EML5: variants seen among roughly 807,000 people sequenced by gnomAD.
The protein encoded by EML5 is EMAP like 5.
A neutral mutation model predicts 250.0 loss-of-function variants in EML5; 120 were observed. The ratio of observed to expected loss-of-function variants is 0.48; its 90% confidence interval spans 0.41 to 0.56. The LOEUF (loss-of-function observed/expected upper bound fraction) is 0.56, where lower values mean the gene tolerates loss of function less well. Among genes scored for constraint, EML5 ranks in the 20% least tolerant of loss-of-function variants. The pLI, the probability that EML5 is intolerant of heterozygous loss-of-function variation, is 0.00. For missense variants in EML5, 2,006 were observed against 2,437.6 expected (o/e 0.82, Z 3.73); for synonymous variants, 771 against 806.5 (o/e 0.96, Z 0.75).
At chr14:88,654,014 A>C (rs2091758971) in intron 27 of EML5, among the ~76,000 whole-genome samples, 1 of 151,956 alleles carries the variant, frequency 6.6e-6, no homozygotes, top group Admixed American at 6.6e-5. Context: ...TAGTCTTGGG[A>C]GGGTGTATGT....
chr14:88,782,283 T>C (rs1171969700), intron 1 of EML5, among the ~76,000 whole-genome samples: 1 of 152,092 alleles, frequency 6.6e-6, no homozygotes, highest in Non-Finnish European at 1.5e-5. Flanking sequence ...AGAGAGATGA[T>C]TTAGGGTATC....
intron 13 of EML5, among the ~76,000 whole-genome samples, chr14:88,703,399 T>C (rs1043510294): frequency 2.0e-5 from 3 of 152,138 alleles, no homozygotes; most frequent in Non-Finnish European, 4.4e-5. Context: ...TGTTGGACCA[T>C]GAGAATACAA....
intron 4 of EML5, among the ~76,000 whole-genome samples, chr14:88,741,762 T>C (rs962716184): frequency 1.3e-5 from 2 of 152,106 alleles, no homozygotes; most frequent in African/African-American, 4.8e-5. Flanking sequence ...GATACATACA[T>C]TAAATAGTTC....
chr14:88,786,748 G>A (rs988316330), intron 1 of EML5, among the ~76,000 whole-genome samples: 5 of 152,056 alleles, frequency 3.3e-5, no homozygotes, highest in Admixed American at 6.5e-5. Context: ...TCATTTTCTC[G>A]TGCTGCCGCC....
chr14:88,718,938 C>T (rs912358573), intron 8 of EML5, among the ~76,000 whole-genome samples: 13 of 151,940 alleles, frequency 8.6e-5, no homozygotes, highest in African/African-American at 2.7e-4. Flanking sequence ...ACTCCCAAGA[C>T]GCAGAGCAGA....
rs773892136 is a variant in EML5, at chr14:88,613,195, C to T, written c.*2623G>A. On this transcript the variant is annotated 3_prime_UTR_variant, in exon 44 of 44. Transcript: ENST00000554922. ...GATCCCACAGGAAAGGCTTGAAACA[C>T]GAGAAGCAGCAAAGACAGAGCACAC... 3.9e-5 allele frequency: 6 copies of T among 152,110 alleles called. No individual in the cohort carries two copies. Among genetic ancestry groups the T allele is most frequent in the Non-Finnish European group, 7.4e-5 (5 of 68,026 alleles). The allele number at this position is 152,110 out of a possible 1,614,324, so 9.4% of individuals were successfully genotyped here.
chr14:88,692,776 G>A (rs901047115), intron 17 of EML5, among the ~76,000 whole-genome samples: 2 of 152,166 alleles, frequency 1.3e-5, no homozygotes, highest in Admixed American at 1.3e-4. Context: ...CTTTGTAAAC[G>A]CATATGCTGT....
intron 31 of EML5, among the ~76,000 whole-genome samples, chr14:88,641,798 C>T (rs1041662645): frequency 1.3e-5 from 2 of 152,124 alleles, no homozygotes; most frequent in African/African-American, 4.8e-5. Context: ...TGCCCTCTCT[C>T]TAGACACCCC....
Position 88,792,289 on chromosome 14 carries a change from G to GC in EML5, c.197+17dup, listed in dbSNP as rs2094618390. On this transcript the variant is annotated intron_variant, in intron 1 of 43. Coordinates refer to ENST00000554922, the MANE Select transcript of EML5 (RefSeq NM_183387.3). The surrounding 1 kb of genome is among the most constrained non-coding windows in gnomAD (Gnocchi z 6.9). ...AGCGGCTTGCAGGGTGACGGCGGCG[G>GC]CCCCCGCTCCCCGGTACCTGATGAT... The GC allele has an allele frequency of 6.5e-6, 10 of 1,545,538 alleles. No homozygotes were observed. Among genetic ancestry groups the GC allele is most frequent in the Non-Finnish European group, 8.7e-6 (10 of 1,146,974 alleles).
intron 18 of EML5, 40 bp from the exon 19 acceptor site, chr14:88,687,367 TATTTTTTAAA>T: frequency 7.2e-7 from 1 of 1,397,988 alleles, no homozygotes; most frequent in Non-Finnish European, 9.7e-7. Flanking sequence ...AAGATCTAAA[TATTTTTTAAA>T]ATAGTAACCT....
intron 5 of EML5, among the ~76,000 whole-genome samples, chr14:88,740,109 T>A (rs1009502949): frequency 6.6e-6 from 1 of 152,194 alleles, no homozygotes; most frequent in Non-Finnish European, 1.5e-5. Flanking sequence ...ACTTTTAGAT[T>A]GAAGTCAACA....
intron 1 of EML5, among the ~76,000 whole-genome samples, chr14:88,768,880 G>A (rs2094354980): frequency 6.6e-6 from 1 of 152,112 alleles, no homozygotes; most frequent in African/African-American, 2.4e-5. Context: ...GAAAGGGCTA[G>A]AGAGTAAATG....
At chr14:88,637,188 T>C (rs1293735303) in intron 32 of EML5, among the ~76,000 whole-genome samples, 1 of 152,226 alleles carries the variant, frequency 6.6e-6, no homozygotes, top group Admixed American at 6.5e-5. Flanking sequence ...CTTGAGTCTA[T>C]CTTAATTAGT....
At chr14:88,759,810 C>T (rs745370830) in intron 1 of EML5, among the ~76,000 whole-genome samples, 7 of 151,280 alleles carry the variant, frequency 4.6e-5, no homozygotes, top group Non-Finnish European at 8.8e-5. Flanking sequence ...AGGGTGGGTC[C>T]GTGTTTAGAT....
intron 1 of EML5, among the ~76,000 whole-genome samples, chr14:88,770,084 C>T (rs1430043851): frequency 6.6e-6 from 1 of 151,950 alleles, no homozygotes; most frequent in Non-Finnish European, 1.5e-5. Context: ...GGAAAGAGCG[C>T]TTGTGAAACG....
chr14:88,678,138 G>T (rs2092637991), intron 21 of EML5, among the ~76,000 whole-genome samples: 1 of 152,158 alleles, frequency 6.6e-6, no homozygotes, highest in Admixed American at 6.5e-5. Flanking sequence ...CATGTCCTTT[G>T]TGGGGACATG....
chr14:88,669,125 A>G (rs2092388699), intron 21 of EML5, among the ~76,000 whole-genome samples: 1 of 152,194 alleles, frequency 6.6e-6, no homozygotes, highest in Non-Finnish European at 1.5e-5. Context: ...TGATTGTGCT[A>G]TCCTGCCCGG....
At chr14:88,666,524 C>T (rs1177115734) in intron 21 of EML5, among the ~76,000 whole-genome samples, 1 of 152,016 alleles carries the variant, frequency 6.6e-6, no homozygotes, top group African/African-American at 2.4e-5. Flanking sequence ...CAGCACCTGG[C>T]CTATGAAACT....
intron 2 of EML5, 83 bp downstream of exon 2, chr14:88,754,429 A>G: frequency 2.4e-6 from 3 of 1,263,316 alleles, no homozygotes; most frequent in South Asian, 2.1e-5. Context: ...CAAGTGTCCA[A>G]TTTAATATTT....
Sources: allele counts gnomAD v4.1 joint callset (sites outside exome capture counted in the v4.1 genomes callset), GRCh38; gene constraint gnomAD v4.1.1; non-coding constraint Gnocchi (gnomAD v3.1); transcripts MANE v1.5; gene names NCBI Gene and HGNC (gene_info 2026-07-23, HGNC 2026-07-21).